Variants in FHIP1A observed in about 807,000 individuals in gnomAD.
FHIP1A encodes FHF complex subunit HOOK interacting protein 1A.
In FHIP1A, 61 loss-of-function variants were observed where a neutral mutation model predicts 88.6. The ratio of observed to expected loss-of-function variants is 0.69; its 90% CI spans 0.56 to 0.85. The LOEUF (loss-of-function observed/expected upper bound fraction) is 0.85, where lower values mean the gene tolerates loss of function less well. Among genes scored for constraint, FHIP1A ranks in the 40% least tolerant of loss-of-function variants. FHIP1A has a pLI of 0.00. For missense variants in FHIP1A, 1,154 were observed against 1,273.5 expected (o/e 0.91, Z 1.43); for synonymous variants, 478 against 496.0 (o/e 0.96, Z 0.48).
At chr4:151,578,226 G>C (rs1316241024) in intron 5 of FHIP1A, 150 bp downstream of exon 5, 1 of 747,542 alleles carries the variant, frequency 1.3e-6, no homozygotes, top group Non-Finnish European at 2.1e-6. Flanking sequence ...TCTTTGGAGG[G>C]AGCAGACGAA....
rs141089231 is a variant in FHIP1A, at chr4:151,432,871, G to A, written c.-355-21830G>A. On this transcript the variant is annotated intron_variant, in intron 1 of 13. Coordinates refer to ENST00000435205, the MANE Select transcript of FHIP1A (RefSeq NM_001109977.3). ...GGAATTACAGCCCTAGTCAAGTGCA[G>A]GGGGAGGGAGAGAGGAGGAAGTGCT... 4.3e-3 allele frequency among the ~76,000 whole-genome samples: 651 copies of A among 152,294 alleles called. 1 individual carries two copies. The highest frequency in any genetic ancestry group is 6.5e-3 in the Non-Finnish European group (443 of 68,014).
intron 3 of FHIP1A, chr4:151,534,769 G>T (rs1732005547): frequency 6.6e-6 from 1 of 152,160 alleles, no homozygotes; most frequent in South Asian, 2.1e-4. Context: ...GGAGAAAATG[G>T]ATCACTAGTT....
rs889989724 is a variant in FHIP1A, at chr4:151,665,236, C to T, written c.*2482C>T. Reference sequence around the variant, plus strand: ...AAGTGATCGTCCCGCCTTGGCCTCCCGAAGTGCTGGGATTACAGGTGTGAG... The same window carrying T: ...AAGTGATCGTCCCGCCTTGGCCTCCTGAAGTGCTGGGATTACAGGTGTGAG... On this transcript the variant is annotated 3_prime_UTR_variant, in exon 14 of 14. Coordinates refer to ENST00000435205, the MANE Select transcript of FHIP1A (RefSeq NM_001109977.3). Among the ~76,000 whole-genome samples, 6 of 152,180 alleles carry T rather than the reference C, an allele frequency of 3.9e-5. No homozygotes were observed. The highest frequency in any genetic ancestry group is 1.4e-4 in the African/African-American group (6 of 41,450).
intron 10 of FHIP1A, 57 bp from the exon 11 acceptor site, chr4:151,649,402 C>A: frequency 7.7e-7 from 1 of 1,305,160 alleles, no homozygotes; most frequent in Non-Finnish European, 1.1e-6. Flanking sequence ...ACAACCCCAT[C>A]CACTACCTTT....
chr4:151,650,521 C>T lies in FHIP1A; in HGVS notation c.2480C>T (p.Pro827Leu), dbSNP rs1361989681. ...EMPAVETVPS[P>L]FVGRDEAAFA... ...CCTGCTGTAGAGACTGTGCCTTCCC[C>T]ATTTGTGGGGAGAGATGAGGCTGCC... Residue 827 changes from proline (P) to leucine (L), a missense_variant, in exon 11 of 14, where the codon CCA (proline) becomes CTA (leucine). Transcript: ENST00000435205. 4 of 1,551,396 alleles carry T rather than the reference C, an allele frequency of 2.6e-6. No individual in the cohort carries two copies. In the African/African-American group the frequency reaches 4.1e-5, roughly 16 times the overall value.
Position 151,577,954 on chromosome 4 carries a change from T to A in FHIP1A, c.610T>A (p.Phe204Ile). 1 of 1,551,552 alleles carries A rather than the reference T, an allele frequency of 6.4e-7. No homozygotes were observed. Among genetic ancestry groups the A allele is most frequent in the Non-Finnish European group, 8.7e-7 (1 of 1,146,970 alleles). Residue 204 changes from phenylalanine (F) to isoleucine (I), a missense_variant, in exon 5 of 14, where the codon TTC (phenylalanine) becomes ATC (isoleucine). Physicochemically the swap from Phe to Ile is conservative, Grantham distance 21. Coordinates refer to ENST00000435205, the MANE Select transcript of FHIP1A (RefSeq NM_001109977.3). The stretch of plus-strand genomic sequence containing the variant: ...CCTCATCTTCTCCCTTCTGATTCCC[T>A]TCATTCACCGAGAGGGGTCAGTAGG... Reference protein sequence around the residue: ...NFLIFSLLIPFIHREGSVGQQ... With the variant: ...NFLIFSLLIPIIHREGSVGQQ...
At position 151,650,081 on chromosome 4, in the gene FHIP1A, C is replaced by CAA; in HGVS notation, c.2041_2042dup (p.Asn681LysfsTer49). On this transcript the variant is annotated frameshift_variant, in exon 11 of 14. Coordinates refer to ENST00000435205, the MANE Select transcript of FHIP1A (RefSeq NM_001109977.3). LOFTEE classifies it high-confidence loss of function. ...CTGAAGTTCAGAGTGTCCCCATCAACAACGGCCCCCTCCTCAGCACCCAGC... is the reference window on the plus strand; with the variant it reads ...CTGAAGTTCAGAGTGTCCCCATCAACAAAACGGCCCCCTCCTCAGCACCCAGC... The CAA allele has an allele frequency of 6.4e-7, 1 of 1,551,660 alleles. No homozygotes were observed. The highest frequency in any genetic ancestry group is 8.7e-7 in the Non-Finnish European group (1 of 1,146,982).
rs1737239866 is a variant in FHIP1A at position 151,656,387 on chromosome 4, C to T, written c.2707C>T (p.Pro903Ser). 1 of 1,551,762 alleles carries T rather than the reference C, an allele frequency of 6.4e-7. No homozygotes were observed. The highest frequency in any genetic ancestry group is 2.0e-5 in the Admixed American group (1 of 51,010). ...GCTCAACACCAACATGGTCTTCCAG[C>T]CAAGCGTCCGCTCTCTCTATCAGGT... is the stretch of plus-strand genomic sequence containing the variant. ...FLLNTNMVFQ[P>S]SVRSLYQVLA... Residue 903 changes from proline (P) to serine (S), a missense_variant, in exon 12 of 14, where the codon CCA becomes TCA. By Grantham distance (74) the Pro-to-Ser change is moderately conservative (BLOSUM62 -1). Transcript: ENST00000435205. The surrounding 1 kb of genome is among the most constrained non-coding windows in gnomAD (Gnocchi z 4.2).
chr4:151,611,515 T>A (rs1022527377), intron 7 of FHIP1A, among the ~76,000 whole-genome samples: 2 of 152,262 alleles, frequency 1.3e-5, no homozygotes, highest in Non-Finnish European at 2.9e-5. Context: ...TCATTTGAGT[T>A]GCTTATGAGA....
chr4:151,614,223 C>G (rs1228776221), intron 7 of FHIP1A, among the ~76,000 whole-genome samples: 7 of 151,590 alleles, frequency 4.6e-5, no homozygotes, highest in African/African-American at 1.5e-4. Flanking sequence ...AATCCCAGCA[C>G]TTTGGGAGGC....
rs1003553514 is a variant in FHIP1A at position 151,424,218 on chromosome 4, G to A, written c.-356+14753G>A. On this transcript the variant is annotated intron_variant, in intron 1 of 13. Transcript: ENST00000435205. Reference sequence around the variant, plus strand: ...AATGGTTCTGGTTGGCCTAACTTGTGAGATGTCCCCATCCTTTTGGCCAGG... The same window carrying A: ...AATGGTTCTGGTTGGCCTAACTTGTAAGATGTCCCCATCCTTTTGGCCAGG... 2.6e-5 allele frequency among the ~76,000 whole-genome samples: 4 copies of A among 152,304 alleles called. No individual in the cohort carries two copies. The South Asian group carries it at 8.3e-4, about 32-fold the overall frequency.
At chr4:151,495,175 A>C (rs1192105875) in intron 3 of FHIP1A, among the ~76,000 whole-genome samples, 1 of 152,258 alleles carries the variant, frequency 6.6e-6, no homozygotes, top group Admixed American at 6.5e-5. Flanking sequence ...CTGATTTTAT[A>C]AAATTGATCA....
In FHIP1A at chr4:151,615,343, A is replaced by G. The variant is rs535598195; in HGVS notation, c.979-14359A>G. On this transcript the variant is annotated intron_variant, in intron 7 of 13. Transcript: ENST00000435205. The stretch of plus-strand genomic sequence containing the variant: ...ACTTACTGTGTGCTTCTAGGGCAAA[A>G]GTTTGAGCCTCACTTTTCTTAGCTG... 2.8e-4 allele frequency among the ~76,000 whole-genome samples: 43 copies of G among 151,824 alleles called. No homozygotes were observed. The South Asian group carries it at 3.8e-3, about 13-fold the overall frequency.
At chr4:151,457,716 C>T (rs1435620794) in intron 2 of FHIP1A, among the ~76,000 whole-genome samples, 2 of 152,102 alleles carry the variant, frequency 1.3e-5, no homozygotes, top group African/African-American at 4.8e-5. Flanking sequence ...TTTGATTTAA[C>T]TCCCCTTCCG....
chr4:151,616,122 AT>A (rs1735509376), intron 7 of FHIP1A, among the ~76,000 whole-genome samples: 1 of 152,192 alleles, frequency 6.6e-6, no homozygotes, highest in Non-Finnish European at 1.5e-5. Flanking sequence ...AGTATAAAGC[AT>A]TTATGTGAAT....
intron 7 of FHIP1A, among the ~76,000 whole-genome samples, chr4:151,623,667 G>T (rs1292077122): frequency 2.6e-5 from 4 of 151,550 alleles, no homozygotes; most frequent in Non-Finnish European, 5.9e-5. Flanking sequence ...TACTTTCAAA[G>T]ATATTGATTA....
Position 151,577,511 on chromosome 4 carries a change from T to C in FHIP1A, c.167T>C (p.Ile56Thr). 1 of 1,551,512 alleles carries C rather than the reference T, an allele frequency of 6.4e-7. No individual in the cohort carries two copies. Among genetic ancestry groups the C allele is most frequent in the Non-Finnish European group, 8.7e-7 (1 of 1,146,830 alleles). ...LKNTQAKYGS[I>T]PPDEASAVQN... ...AACACCCAGGCAAAATATGGGTCTA[T>C]CCCTCCAGATGAGGCCAGTGCCGTG... is the stretch of plus-strand genomic sequence containing the variant. Residue 56 changes from isoleucine (I) to threonine (T), a missense_variant, in exon 5 of 14, where the codon ATC becomes ACC. Ile to Thr is a moderately conservative substitution (Grantham distance 89). Coordinates refer to ENST00000435205, the MANE Select transcript of FHIP1A (RefSeq NM_001109977.3).
At chr4:151,586,504 G>T in intron 5 of FHIP1A, 137 bp from the exon 6 acceptor site, 1 of 595,712 alleles carries the variant, frequency 1.7e-6, no homozygotes, top group Non-Finnish European at 2.8e-6. Flanking sequence ...GCTGGCTGAC[G>T]GGCTCTTATA....
At chr4:151,523,189 T>C (rs958916620) in intron 3 of FHIP1A, among the ~76,000 whole-genome samples, 13 of 152,202 alleles carry the variant, frequency 8.5e-5, no homozygotes, top group African/African-American at 3.1e-4. Context: ...AAAATCAACT[T>C]AAGAAGAGGT....
Sources: gnomAD v4.1 joint callset for allele counts (sites outside exome capture counted in the v4.1 genomes callset) on GRCh38, gnomAD v4.1.1 for gene constraint, Gnocchi (gnomAD v3.1) non-coding constraint, MANE v1.5 for transcripts, NCBI Gene and HGNC (gene_info 2026-07-23, HGNC 2026-07-21) for gene names.